The following DCAF8L2 variants were observed in gnomAD, a reference collection of about 807,000 sequenced individuals.
DCAF8L2 encodes the protein DDB1 and CUL4 associated factor 8 like 2, also known as DDB1- and CUL4-associated factor 8-like protein 2.
For synonymous variants in DCAF8L2, 200 were observed against 190.9 expected (o/e 1.05, Z -0.39); for missense variants, 430 against 490.7 (o/e 0.88, Z 1.17).
chrX:27,617,781 C>A (rs1025606330), intron 1 of DCAF8L2, among the ~76,000 whole-genome samples: 5 of 111,165 alleles, frequency 4.5e-5, no homozygotes, highest in Admixed American at 3.9e-4. Context: ...AAAATCACTG[C>A]CTTTTATGAT....
At position 27,643,179 on chromosome X, in the gene DCAF8L2, A is replaced by G. The variant is rs577760825; in HGVS notation, c.-220+11179A>G. Among the ~76,000 whole-genome samples, 98 of 111,891 alleles carry G rather than the reference A, an allele frequency of 8.8e-4. 1 individual carries two copies. The South Asian group carries it at 0.034, about 38-fold the overall frequency. On this transcript the variant is annotated intron_variant, in intron 2 of 4. Coordinates refer to ENST00000451261, the MANE Select transcript of DCAF8L2 (RefSeq NM_001353450.2). Reference sequence around the variant, plus strand: ...CACTGTTTTCCCAAATGCTGTACCAATTTGCATTCCACTAACAATTCACAA... The same window carrying G: ...CACTGTTTTCCCAAATGCTGTACCAGTTTGCATTCCACTAACAATTCACAA...
the DCAF8L2 span, among the ~76,000 whole-genome samples, chrX:27,533,166 GAAAGAA>G: frequency 0.027 from 307 of 11,254 alleles, 4 homozygotes; most frequent in African/African-American, 0.042. Flanking sequence ...GAGAGAGAGA[GAAAGAA>G]AGAAAGAAAG....
the DCAF8L2 span, among the ~76,000 whole-genome samples, chrX:27,508,678 A>G: frequency 9.7e-6 from 1 of 103,566 alleles, no homozygotes; most frequent in Non-Finnish European, 2.0e-5. Flanking sequence ...TAATGAAGTC[A>G]TCAAAGGAAT....
chrX:27,738,176 C>T (rs1921643210), intron 4 of DCAF8L2, among the ~76,000 whole-genome samples: 1 of 110,531 alleles, frequency 9.0e-6, no homozygotes, highest in African/African-American at 3.4e-5. Flanking sequence ...AAAACATCTT[C>T]CCCAGAATAG....
At chrX:27,690,381 C>T (rs913307080) in intron 3 of DCAF8L2, among the ~76,000 whole-genome samples, 2 of 111,209 alleles carry the variant, frequency 1.8e-5, no homozygotes, top group Admixed American at 9.6e-5. Context: ...AAAAAAAGTA[C>T]GGGGAATTAA....
the DCAF8L2 span, among the ~76,000 whole-genome samples, chrX:27,568,059 A>G: frequency 9.0e-6 from 1 of 111,392 alleles, no homozygotes. Context: ...TCAGATAATA[A>G]CTTAGTTTGA....
chrX:27,500,405 T>A, the DCAF8L2 span, among the ~76,000 whole-genome samples: 1 of 111,507 alleles, frequency 9.0e-6, no homozygotes, highest in East Asian at 2.8e-4. Flanking sequence ...GAGAGAGAAA[T>A]AGTATTTAGA....
intron 1 of DCAF8L2, among the ~76,000 whole-genome samples, chrX:27,598,062 A>G (rs1926441332): frequency 8.9e-6 from 1 of 112,382 alleles, no homozygotes; most frequent in Non-Finnish European, 1.9e-5. Context: ...TATACTATCA[A>G]TGACTGCAAA....
At chrX:27,519,822 C>A in the DCAF8L2 span, 1 of 370,075 alleles carries the variant, frequency 2.7e-6, no homozygotes, top group Non-Finnish European at 4.8e-6. Context: ...ATTATCATGT[C>A]ATCTATAAAT....
the DCAF8L2 span, among the ~76,000 whole-genome samples, chrX:27,534,379 A>C: frequency 8.9e-6 from 1 of 111,944 alleles, no homozygotes; most frequent in East Asian, 2.8e-4. Context: ...AAAAATATGT[A>C]GATAGATACA....
rs751965068 is a variant in DCAF8L2 at position 27,653,473 on chromosome X, C to G, written c.-220+21473C>G. 1.7e-4 allele frequency among the ~76,000 whole-genome samples: 19 copies of G among 110,904 alleles called. No individual in the cohort carries two copies. In the South Asian group the frequency reaches 5.7e-3, roughly 33 times the overall value. ...AAAAATTCATTACAGTAGTCACCCC[C>G]CAAGTAGCTTCCTAAAACAAAATAA... On this transcript the variant is annotated intron_variant, in intron 2 of 4. Coordinates refer to ENST00000451261, the MANE Select transcript of DCAF8L2 (RefSeq NM_001353450.2).
rs759933114 is a variant in DCAF8L2 at position 27,734,775 on chromosome X, C to T, written c.-58-12063C>T. On this transcript the variant is annotated intron_variant, in intron 4 of 4. Coordinates refer to ENST00000451261, the MANE Select transcript of DCAF8L2 (RefSeq NM_001353450.2). ...CTTATACAGTCTTAGAAATAATGTC[C>T]TGTATTCCATTTAAATTATATTAAT... Among the ~76,000 whole-genome samples the T allele has an allele frequency of 3.6e-5, 4 of 111,530 alleles. No individual in the cohort carries two copies. In the East Asian group the frequency reaches 1.1e-3, roughly 31 times the overall value.
At chrX:27,540,977 T>C in the DCAF8L2 span, among the ~76,000 whole-genome samples, 1 of 112,288 alleles carries the variant, frequency 8.9e-6, no homozygotes, top group Non-Finnish European at 1.9e-5. Flanking sequence ...CAGATATCCA[T>C]TGTTGTCATC....
At chrX:27,622,733 CAAAGA>C (rs1176010935) in intron 1 of DCAF8L2, among the ~76,000 whole-genome samples, 2 of 110,992 alleles carry the variant, frequency 1.8e-5, no homozygotes, top group African/African-American at 6.6e-5. Context: ...AATAAAATCA[CAAAGA>C]AAAGAAGGAA....
chrX:27,477,234 T>G, the DCAF8L2 span, among the ~76,000 whole-genome samples: 1 of 112,486 alleles, frequency 8.9e-6, no homozygotes, highest in African/African-American at 3.2e-5. Context: ...ACAAGAATGA[T>G]TCTAGGCAAA....
the DCAF8L2 span, among the ~76,000 whole-genome samples, chrX:27,563,029 G>T: frequency 1.8e-5 from 2 of 111,755 alleles, no homozygotes; most frequent in Non-Finnish European, 3.8e-5. Context: ...ATTGGGGCAT[G>T]AATATGAAGT....
chrX:27,746,889 G>A lies in DCAF8L2; in HGVS notation c.-7G>A, dbSNP rs1161206086. On this transcript the variant is annotated 5_prime_UTR_variant, in exon 5 of 5. Coordinates refer to ENST00000451261, the MANE Select transcript of DCAF8L2 (RefSeq NM_001353450.2). The stretch of plus-strand genomic sequence containing the variant: ...TTCCAGATCTACTACAGCAAACATC[G>A]TTCAAGATGTCCCACCAAGAAGGCA... 3 of 1,188,245 alleles carry A rather than the reference G, an allele frequency of 2.5e-6. No homozygotes were observed. The highest frequency in any genetic ancestry group is 3.4e-6 in the Non-Finnish European group (3 of 884,949).
the DCAF8L2 span, among the ~76,000 whole-genome samples, chrX:27,477,831 C>G: frequency 8.9e-6 from 1 of 111,736 alleles, no homozygotes; most frequent in Middle Eastern, 4.2e-3. Context: ...TCAAAGACAA[C>G]TAACAAGCCT....
At chrX:27,533,433 A>C in the DCAF8L2 span, among the ~76,000 whole-genome samples, 1 of 110,173 alleles carries the variant, frequency 9.1e-6, no homozygotes, top group Non-Finnish European at 1.9e-5. Flanking sequence ...TTTTAAAATA[A>C]AAAAAAATTA....
Sources: gnomAD v4.1 joint callset for allele counts (sites outside exome capture counted in the v4.1 genomes callset) on GRCh38, gnomAD v4.1.1 for gene constraint, MANE v1.5 for transcripts, NCBI Gene and HGNC (gene_info 2026-07-23, HGNC 2026-07-21) for gene names.